AGBL4: variants seen among roughly 807,000 people sequenced by gnomAD.
AGBL4 encodes cytosolic carboxypeptidase 6.
AGBL4 carries 58 observed loss-of-function variants against 66.4 expected under a neutral mutation model. The observed-to-expected ratio is 0.87, with a 90% CI of 0.71 to 1.09. The LOEUF (loss-of-function observed/expected upper bound fraction) is 1.09, where lower values mean the gene tolerates loss of function less well. Among genes scored for constraint, AGBL4 ranks in the 50% least tolerant of loss-of-function variants. The pLI, the probability that AGBL4 is intolerant of heterozygous loss-of-function variation, is 0.00. For missense variants in AGBL4, 579 were observed against 631.0 expected, an observed-to-expected ratio of 0.92 and a Z score of 0.88; for synonymous variants, 234 against 222.9, an observed-to-expected ratio of 1.05 and a Z score of -0.44.
intron 1 of AGBL4, among the ~76,000 whole-genome samples, chr1:49,945,449 T>C (rs955392742): frequency 6.6e-6 from 1 of 152,080 alleles, no homozygotes; most frequent in African/African-American, 2.4e-5. Context: ...GCCAAGAATT[T>C]TGTATCCAGA....
In AGBL4 at chr1:48,663,211, A is replaced by G; in HGVS notation, c.665T>C (p.Val222Ala). 6.2e-7 allele frequency: 1 copy of G among 1,613,840 alleles called. No homozygotes were observed. The highest frequency in any genetic ancestry group is 8.5e-7 in the Non-Finnish European group (1 of 1,179,856). Residue 222 changes from valine to alanine, a missense_variant, in exon 7 of 14, where the codon GTG (valine) becomes GCG (alanine). Val to Ala is a moderately conservative substitution (Grantham distance 64). Coordinates refer to ENST00000371839, the MANE Select transcript of AGBL4 (RefSeq NM_032785.4). ...GTGGACTCGTCCTGTGATGAATACC[A>G]CCTTCTGCTCTGCCCCTTCCCGGAG... ...DNLREGAEQK[V>A]VFITGRVHPG... is the part of the protein sequence containing the mutation.
At chr1:49,608,097 T>A (rs913879919) in intron 3 of AGBL4, among the ~76,000 whole-genome samples, 1 of 152,090 alleles carries the variant, frequency 6.6e-6, no homozygotes, top group Non-Finnish European at 1.5e-5. Flanking sequence ...CACAGTCTAA[T>A]GACAAAGCTT....
At chr1:49,052,055 T>G (rs2147890521) in intron 4 of AGBL4, among the ~76,000 whole-genome samples, 1 of 149,534 alleles carries the variant, frequency 6.7e-6, no homozygotes, top group African/African-American at 2.5e-5. Context: ...TATTTATTTT[T>G]CAGAGTTTAT....
At chr1:49,330,134 G>T (rs974230307) in intron 3 of AGBL4, among the ~76,000 whole-genome samples, 1 of 152,166 alleles carries the variant, frequency 6.6e-6, no homozygotes, top group Non-Finnish European at 1.5e-5. Context: ...AAATTCTTTT[G>T]GCCAGACATG....
chr1:49,519,612 T>C (rs905475778), intron 3 of AGBL4, among the ~76,000 whole-genome samples: 4 of 152,086 alleles, frequency 2.6e-5, no homozygotes, highest in Non-Finnish European at 4.4e-5. Context: ...TAGTCACATA[T>C]CTTTTTTATA....
chr1:48,867,289 A>G, intron 5 of AGBL4, 59 bp from the exon 6 acceptor site: 2 of 1,566,044 alleles, frequency 1.3e-6, no homozygotes, highest in Non-Finnish European at 8.8e-7. Flanking sequence ...AATTGTGCTT[A>G]GCAGGTCAGG....
intron 3 of AGBL4, among the ~76,000 whole-genome samples, chr1:49,287,055 G>A (rs1279462529): frequency 4.7e-5 from 7 of 149,204 alleles, no homozygotes; most frequent in Admixed American, 2.0e-4. Flanking sequence ...CAGAAATAAC[G>A]CCGCATATCT....
At chr1:49,429,955 C>T (rs1415390382) in intron 3 of AGBL4, among the ~76,000 whole-genome samples, 2 of 151,964 alleles carry the variant, frequency 1.3e-5, no homozygotes, top group Admixed American at 6.6e-5. Flanking sequence ...AGCGATCCTC[C>T]TACCTCAGTC....
chr1:49,653,613 T>G (rs888160096), intron 3 of AGBL4, among the ~76,000 whole-genome samples: 1 of 150,370 alleles, frequency 6.7e-6, no homozygotes, highest in African/African-American at 2.4e-5. Context: ...ATAAAACAGT[T>G]TAGAGATGAA....
intron 5 of AGBL4, among the ~76,000 whole-genome samples, chr1:48,910,812 C>A (rs1653025601): frequency 1.3e-5 from 2 of 152,134 alleles, no homozygotes; most frequent in African/African-American, 4.8e-5. Context: ...ATGGCAGTTC[C>A]TTTCTGTCAT....
chr1:49,096,761 G>A (rs1430948819), intron 4 of AGBL4, among the ~76,000 whole-genome samples: 1 of 151,664 alleles, frequency 6.6e-6, no homozygotes, highest in Non-Finnish European at 1.5e-5. Flanking sequence ...AATGGGTGCA[G>A]CACACCAACA....
At chr1:49,170,803 A>G (rs1370482883) in intron 4 of AGBL4, among the ~76,000 whole-genome samples, 1 of 152,040 alleles carries the variant, frequency 6.6e-6, no homozygotes, top group African/African-American at 2.4e-5. Flanking sequence ...TATATGACAA[A>G]TCACCCAAAA....
At chr1:49,567,284 G>A (rs906680789) in intron 3 of AGBL4, among the ~76,000 whole-genome samples, 4 of 152,124 alleles carry the variant, frequency 2.6e-5, no homozygotes, top group East Asian at 1.9e-4. Flanking sequence ...TTTGGCTCAC[G>A]CACGGTGCAC....
intron 3 of AGBL4, among the ~76,000 whole-genome samples, chr1:49,290,950 CAGTGCAGGAATA>C (rs1644521598): frequency 6.6e-6 from 1 of 152,146 alleles, no homozygotes; most frequent in African/African-American, 2.4e-5. Context: ...TTTGAGGCTG[CAGTGCAGGAATA>C]CCACCACTGC....
At chr1:49,791,400 T>G (rs1315752507) in intron 2 of AGBL4, among the ~76,000 whole-genome samples, 1 of 152,090 alleles carries the variant, frequency 6.6e-6, no homozygotes, top group Admixed American at 6.6e-5. Context: ...TCAATTCTAA[T>G]AGCCCATTAC....
chr1:49,483,677 A>T (rs1200017211), intron 3 of AGBL4, among the ~76,000 whole-genome samples: 1 of 152,080 alleles, frequency 6.6e-6, no homozygotes, highest in Admixed American at 6.6e-5. Flanking sequence ...TCTCCAGGAC[A>T]TAGAACTGGG....
At chr1:49,299,809 T>A (rs1644710238) in intron 3 of AGBL4, among the ~76,000 whole-genome samples, 1 of 152,170 alleles carries the variant, frequency 6.6e-6, no homozygotes, top group Non-Finnish European at 1.5e-5. Flanking sequence ...TTGAGGAACT[T>A]TCTTTCTATT....
At chr1:48,776,668 G>A (rs1334554565) in intron 6 of AGBL4, 4 of 1,498,888 alleles carry the variant, frequency 2.7e-6, no homozygotes, top group Non-Finnish European at 3.5e-6. Context: ...GGGGGCGCGC[G>A]GGGGGCTCTC....
chr1:49,872,278 T>C (rs550696576), intron 1 of AGBL4, among the ~76,000 whole-genome samples: 2 of 152,186 alleles, frequency 1.3e-5, no homozygotes, highest in South Asian at 2.1e-4. Context: ...TTTGTGAGTA[T>C]TCTTAATTTA....
Sources: allele counts gnomAD v4.1 joint callset (sites outside exome capture counted in the v4.1 genomes callset), GRCh38; gene constraint gnomAD v4.1.1; transcripts MANE v1.5; gene names NCBI Gene and HGNC (gene_info 2026-07-23, HGNC 2026-07-21).